The following ENTPD2 variants were observed in gnomAD, a reference collection of about 807,000 sequenced individuals.
ENTPD2 encodes the protein ectonucleoside triphosphate diphosphohydrolase 2.
In ENTPD2, 48 loss-of-function variants were observed where a neutral mutation model predicts 46.8. That is an observed-to-expected ratio of 1.03 (90% CI 0.81 to 1.30). The LOEUF is 1.30. Ranked by LOEUF, ENTPD2 falls within the 50% of genes most tolerant of loss-of-function variation. The pLI is 0.00. For missense variants in ENTPD2, 707 were observed against 651.1 expected (o/e 1.09, Z -0.93); for synonymous variants, 316 against 286.1 (o/e 1.10, Z -1.06).
rs2131511069 is a variant in ENTPD2, at chr9:137,049,935, G to A, written c.1084C>T (p.Pro362Ser). 2 of 1,612,600 alleles carry A rather than the reference G, an allele frequency of 1.2e-6. No homozygotes were observed. Among genetic ancestry groups the A allele is most frequent in the Non-Finnish European group, 1.7e-6 (2 of 1,179,832 alleles). The change falls in exon 7 of 9, where the codon CCC becomes TCC. Residue 362 changes from proline (P) to serine (S), a missense_variant. Transcript: ENST00000355097. ...TCCAGCTGCTGCAGGGTGGCCACGG[G>A]CAGCCCCATCGAAGTCCGCAAAAAG... is the stretch of plus-strand genomic sequence containing the variant. ...VDFLRTSMGL[P>S]VATLQQLEAA...
At position 137,054,051 on chromosome 9, in the gene ENTPD2, C is replaced by T. The variant is rs1832356271; in HGVS notation, c.-54G>A. ...CGTGGACCCGGAGAGTGCGGGGAGC[C>T]GGAGGCGGAGGCGGGCGGGGCCGCG... On this transcript the variant is annotated 5_prime_UTR_variant, in exon 1 of 9. Transcript: ENST00000355097. 13 of 1,111,486 alleles carry T rather than the reference C, an allele frequency of 1.2e-5. No individual in the cohort carries two copies. In the South Asian group the frequency reaches 1.3e-4, roughly 11 times the overall value. 68.9% of individuals were successfully genotyped at this position (1,111,486 alleles called of 1,614,324 possible).
chr9:137,051,967 T>G (rs1442686932), intron 2 of ENTPD2, among the ~76,000 whole-genome samples: 1 of 152,154 alleles, frequency 6.6e-6, no homozygotes, highest in Non-Finnish European at 1.5e-5. Flanking sequence ...GACCTCCTCC[T>G]GCTCCATCTG....
chr9:137,051,542 G>A lies in ENTPD2; in HGVS notation c.354C>T (p.Tyr118=), dbSNP rs780629432. The A allele has an allele frequency of 1.1e-5, 18 of 1,610,498 alleles. No homozygotes were observed. In the Admixed American group the frequency reaches 2.3e-4, roughly 21 times the overall value. ...GGCGCATACCCGCTGTGGCTCCCAG[G>A]TAGAGGGGTGTGCCCGCGTGTCTCT... ...PKERHAGTPL[Y]LGATAGMRLL... is the part of the protein sequence containing the mutation. Residue 118 remains tyrosine (Y), a synonymous_variant, in exon 3 of 9, where the codon TAC becomes TAT. Coordinates refer to ENST00000355097, the MANE Select transcript of ENTPD2 (RefSeq NM_203468.3).
chr9:137,048,983 G>A lies in ENTPD2; in HGVS notation c.1242C>T (p.Gly414=). Residue 414 remains glycine, a synonymous_variant, in exon 8 of 9, where the codon GGC becomes GGT. Transcript: ENST00000355097. ...CGCCGCCGAAGGCGCGCTCGTCGAA[G>A]CCGTAGCCGCGACTCAGCAGCTGCT... ...FVQQLLSRGY[G]FDERAFGGVI... 6.5e-7 allele frequency: 1 copy of A among 1,535,934 alleles called. No individual in the cohort carries two copies. Among genetic ancestry groups the A allele is most frequent in the South Asian group, 1.2e-5 (1 of 83,912 alleles).
Position 137,049,064 on chromosome 9 carries a change from C to T in ENTPD2, c.1161G>A (p.Arg387=). ...CCAGGCGGGCCCGTTGCCCTGGCAC[C>T]CGAGCTTGCAGCTGGGACGCGGGCG... is the stretch of plus-strand genomic sequence containing the variant. The part of the protein sequence containing the change: ...CNQTWAQLQA[R]VPGQRARLAD... Residue 387 remains arginine (R), a synonymous_variant, in exon 8 of 9, where the codon CGG becomes CGA. Transcript: ENST00000355097. The T allele has an allele frequency of 6.5e-7, 1 of 1,533,252 alleles. No homozygotes were observed. The highest frequency in any genetic ancestry group is 1.2e-5 in the South Asian group (1 of 83,946). The allele number at this position is 1,533,252 out of a possible 1,614,324, so 95.0% of individuals were successfully genotyped here.
At position 137,050,905 on chromosome 9, in the gene ENTPD2, G is replaced by A. The variant is rs780600887; in HGVS notation, c.771C>T (p.Leu257=). 6.2e-7 allele frequency: 1 copy of A among 1,610,546 alleles called. No individual in the cohort carries two copies. The highest frequency in any genetic ancestry group is 8.5e-7 in the Non-Finnish European group (1 of 1,179,918). The change falls in exon 5 of 9, where the codon CTC becomes CTT. Residue 257 remains leucine (L), a synonymous_variant. Transcript: ENST00000355097. ...QVLQRLLASA[L]QTHGFHPCWP... ...GTGAGCCAGGGTGGAGGGGCACCTG[G>A]AGGGCGCTGGCCAGCAGCCTCTGGA...
In ENTPD2 at chr9:137,050,438, T is replaced by C. The variant is rs767443128; in HGVS notation, c.875A>G (p.Asn292Ser). 5.6e-6 allele frequency: 9 copies of C among 1,612,772 alleles called. No individual in the cohort carries two copies. Among genetic ancestry groups the C allele is most frequent in the Non-Finnish European group, 1.7e-6 (2 of 1,180,000 alleles). ...SPCTMAQRPQ[N>S]FNSSARVSLS... The stretch of plus-strand genomic sequence containing the variant: ...GCTGACCCTGGCACTGCTGTTGAAG[T>C]TCTGGGGCCGCTGGGCCATGGTGCA... Residue 292 changes from asparagine (N) to serine (S), a missense_variant, in exon 6 of 9, where the codon AAC (asparagine) becomes AGC (serine). Transcript: ENST00000355097.
rs755010690 is a variant in ENTPD2 at position 137,051,217 on chromosome 9, G to A, written c.540C>T (p.Phe180=). The part of the protein sequence containing the change: ...WVTANYLLEN[F]IKYGWVGRWF... ...GGCTGGCTGCTGGGCCCACCTTGAT[G>A]AAGTTCTCCAGCAGGTAGTTGGCAG... The change falls in exon 4 of 9, where the codon TTC becomes TTT. Residue 180 remains phenylalanine (F), a synonymous_variant. Transcript: ENST00000355097. The A allele has an allele frequency of 1.3e-5, 21 of 1,611,654 alleles. No homozygotes were observed. Among genetic ancestry groups the A allele is most frequent in the Non-Finnish European group, 1.7e-5 (20 of 1,179,830 alleles).
Position 137,048,680 on chromosome 9 carries a change from C to A in ENTPD2, c.1465G>T (p.Ala489Ser). The A allele has an allele frequency of 6.3e-7, 1 of 1,599,880 alleles. No homozygotes were observed. Among genetic ancestry groups the A allele is most frequent in the Non-Finnish European group, 8.5e-7 (1 of 1,174,444 alleles). Residue 489 changes from alanine to serine, a missense_variant, in exon 9 of 9, where the codon GCC becomes TCC. Transcript: ENST00000355097. ...LVLLLRQVHSAKLPSTI is the reference protein window; with the variant it reads ...LVLLLRQVHSSKLPSTI ...CCCTAAATGGTGCTTGGCAGCTTGG[C>A]GGAGTGCACCTGACGCAGCAGCAGG...
intron 1 of ENTPD2, 105 bp from the exon 2 acceptor site, chr9:137,052,453 C>G: frequency 1.2e-6 from 1 of 847,334 alleles, no homozygotes; most frequent in South Asian, 1.6e-5. Context: ...CTCCCCCCCC[C>G]ACCCAGTCAT....
At chr9:137,053,556 G>A (rs140454040) in intron 1 of ENTPD2, among the ~76,000 whole-genome samples, 291 of 152,350 alleles carry the variant, frequency 1.9e-3, no homozygotes, top group African/African-American at 6.5e-3. Context: ...GCGTCCGGCA[G>A]CACCCAGGGG....
chr9:137,052,512 G>A, intron 1 of ENTPD2, 164 bp from the exon 2 acceptor site: 1 of 546,258 alleles, frequency 1.8e-6, no homozygotes. Flanking sequence ...CCTCCTCTGA[G>A]GCCGTGGTTG....
chr9:137,050,933 A>C lies in ENTPD2; in HGVS notation c.743T>G (p.Val248Gly). 6.2e-7 allele frequency: 1 copy of C among 1,612,286 alleles called. No individual in the cohort carries two copies. Among genetic ancestry groups the C allele is most frequent in the Non-Finnish European group, 8.5e-7 (1 of 1,179,984 alleles). The change falls in exon 5 of 9, where the codon GTC becomes GGC. Residue 248 changes from valine (V) to glycine (G), a missense_variant. Coordinates refer to ENST00000355097, the MANE Select transcript of ENTPD2 (RefSeq NM_203468.3). ...GGCGCTGGCCAGCAGCCTCTGGAGG[A>C]CCTGGTCACGGCCATAGCAGAGGAA... Reference protein sequence around the residue: ...HSFLCYGRDQVLQRLLASALQ... With the variant: ...HSFLCYGRDQGLQRLLASALQ...
intron 5 of ENTPD2, 126 bp downstream of exon 5, chr9:137,050,776 C>T: frequency 7.5e-7 from 1 of 1,332,320 alleles, no homozygotes; most frequent in Non-Finnish European, 1.0e-6. Flanking sequence ...CATGCTCTGA[C>T]CCTCCCACCT....
At chr9:137,053,593 G>C (rs1588557962) in intron 1 of ENTPD2, among the ~76,000 whole-genome samples, 1 of 152,238 alleles carries the variant, frequency 6.6e-6, no homozygotes, top group South Asian at 2.1e-4. Context: ...CCGGGAGCGG[G>C]GACACAGCCC....
In ENTPD2 at chr9:137,049,036, C is replaced by T. The variant is rs766353234; in HGVS notation, c.1189G>A (p.Asp397Asn). Residue 397 changes from aspartate (D) to asparagine (N), a missense_variant, in exon 8 of 9, where the codon GAC becomes AAC. Asp to Asn is a conservative substitution (Grantham distance 23). Coordinates refer to ENST00000355097, the MANE Select transcript of ENTPD2 (RefSeq NM_203468.3). ...RVPGQRARLADYCAGAMFVQQ... is the reference protein window; with the variant it reads ...RVPGQRARLANYCAGAMFVQQ... ...ACGAACATGGCCCCGGCGCAGTAGT[C>T]GGCCAGGCGGGCCCGTTGCCCTGGC... The T allele has an allele frequency of 2.0e-6, 3 of 1,535,660 alleles. No individual in the cohort carries two copies. Among genetic ancestry groups the T allele is most frequent in the South Asian group, 2.4e-5 (2 of 83,960 alleles).
chr9:137,051,418 G>C (rs779154364), intron 3 of ENTPD2, 48 bp from the exon 4 acceptor site: 13 of 1,538,748 alleles, frequency 8.4e-6, no homozygotes, highest in Non-Finnish European at 1.1e-5. Flanking sequence ...AGGTGGCTGT[G>C]AGCCTGCTGT....
rs1269243790 is a variant in ENTPD2 at position 137,048,838 on chromosome 9, C to T, written c.1307G>A (p.Trp436Ter). The change falls in exon 9 of 9, where the codon TGG (tryptophan) becomes TAG (stop). Residue 436 changes from tryptophan to a stop codon, truncating the protein, a stop_gained. Coordinates refer to ENST00000355097, the MANE Select transcript of ENTPD2 (RefSeq NM_203468.3). LOFTEE classifies it low-confidence loss of function (END_TRUNC). ...QKKAADTAVGWALGYMLNLTN... is the reference protein window; with the variant it reads ...QKKAADTAVG ...CAGGTTCAGCATGTAGCCGAGCGCC[C>T]AGCCCACTGCAGTGTCCGCGGCCTG... 3.9e-6 allele frequency: 6 copies of T among 1,544,882 alleles called. No homozygotes were observed. The highest frequency in any genetic ancestry group is 5.2e-6 in the Non-Finnish European group (6 of 1,146,792).
intron 1 of ENTPD2, 49 bp downstream of exon 1, chr9:137,053,832 A>G (rs1265432413): frequency 3.4e-6 from 4 of 1,179,148 alleles, no homozygotes; most frequent in Admixed American, 4.3e-5. Context: ...CCCGGCTCCA[A>G]GCCCGGCCCG....
Sources: gnomAD v4.1 joint callset for allele counts (sites outside exome capture counted in the v4.1 genomes callset) on GRCh38, gnomAD v4.1.1 for gene constraint, MANE v1.5 for transcripts, NCBI Gene and HGNC (gene_info 2026-07-23, HGNC 2026-07-21) for gene names.